Variants in MITF observed in about 807,000 individuals in gnomAD.
MITF encodes the protein melanocyte inducing transcription factor, also known as microphthalmia-associated transcription factor.
In MITF, 17 loss-of-function variants were observed where a neutral mutation model predicts 60.5. The observed-to-expected ratio is 0.28, with a 90% CI of 0.19 to 0.42. The LOEUF is 0.42. Ranked by LOEUF, MITF falls within the 10% of genes least tolerant of loss-of-function variation. The pLI, the probability that MITF is intolerant of heterozygous loss-of-function variation, is 1.00. For missense variants in MITF, 622 were observed against 683.5 expected, an observed-to-expected ratio of 0.91 and a Z score of 1.00; for synonymous variants, 260 against 248.5, an observed-to-expected ratio of 1.05 and a Z score of -0.43.
At chr3:69,950,968 T>C (rs939035593) in intron 6 of MITF, among the ~76,000 whole-genome samples, 47 of 152,210 alleles carry the variant, frequency 3.1e-4, no homozygotes, top group African/African-American at 9.6e-4. Context: ...AAATAGTGGT[T>C]CCTAAGTTAT....
chr3:69,869,019 A>G (rs572109303), intron 1 of MITF, among the ~76,000 whole-genome samples: 6 of 152,028 alleles, frequency 3.9e-5, no homozygotes, highest in African/African-American at 1.4e-4. Context: ...AGTTCCTCTT[A>G]GAATTAAGGA....
At chr3:69,767,404 T>C (rs764268102) in intron 1 of MITF, among the ~76,000 whole-genome samples, 8 of 152,042 alleles carry the variant, frequency 5.3e-5, no homozygotes, top group Non-Finnish European at 1.0e-4. Flanking sequence ...ACCAACATGA[T>C]AAAACTGCAT....
intron 2 of MITF, among the ~76,000 whole-genome samples, chr3:69,924,546 T>C (rs953049546): frequency 2.0e-5 from 3 of 152,018 alleles, no homozygotes; most frequent in African/African-American, 4.8e-5. Context: ...GAAAGCAGAG[T>C]GAATAATAGA....
chr3:69,770,248 T>A (rs1312789784), intron 1 of MITF, among the ~76,000 whole-genome samples: 2 of 152,214 alleles, frequency 1.3e-5, no homozygotes, highest in African/African-American at 2.4e-5. Context: ...AGTATGATGT[T>A]GCTTGAAAAT....
intron 1 of MITF, among the ~76,000 whole-genome samples, chr3:69,776,978 G>A (rs2062483795): frequency 6.6e-6 from 1 of 152,168 alleles, no homozygotes; most frequent in Admixed American, 6.5e-5. Flanking sequence ...AATGTTGAGA[G>A]TAATGTTACT....
chr3:69,811,428 C>G (rs984003227), intron 1 of MITF, among the ~76,000 whole-genome samples: 8 of 152,176 alleles, frequency 5.3e-5, no homozygotes, highest in Admixed American at 2.6e-4. Context: ...TCCCCTGGAT[C>G]AATCACTGTA....
chr3:69,960,399 T>C (rs182440526), intron 9 of MITF, among the ~76,000 whole-genome samples: 2 of 152,318 alleles, frequency 1.3e-5, no homozygotes, highest in Non-Finnish European at 2.9e-5. Context: ...TATGCACCAG[T>C]GTAAGCCGGA....
chr3:69,855,145 C>T (rs1281245111), intron 1 of MITF, among the ~76,000 whole-genome samples: 8 of 151,026 alleles, frequency 5.3e-5, no homozygotes, highest in Non-Finnish European at 1.0e-4. Context: ...ATTCTGCCTA[C>T]GTGTGACTCT....
chr3:69,919,302 T>C (rs1315333925), intron 2 of MITF, among the ~76,000 whole-genome samples: 1 of 152,224 alleles, frequency 6.6e-6, no homozygotes. Flanking sequence ...ATGGGTATCA[T>C]TTGAGACAAG....
chr3:69,740,050 C>G (rs1386272576), intron 1 of MITF, among the ~76,000 whole-genome samples: 4 of 152,154 alleles, frequency 2.6e-5, no homozygotes, highest in Non-Finnish European at 4.4e-5. Flanking sequence ...GGCCGGGACG[C>G]TGTCCCGGTG....
At chr3:69,803,299 A>G (rs2062952282) in intron 1 of MITF, among the ~76,000 whole-genome samples, 1 of 152,014 alleles carries the variant, frequency 6.6e-6, no homozygotes, top group Non-Finnish European at 1.5e-5. Context: ...TTGGGTATAT[A>G]CCCCCTAAGA....
intron 2 of MITF, among the ~76,000 whole-genome samples, chr3:69,881,560 CATAA>C (rs1245564168): frequency 4.0e-5 from 6 of 151,698 alleles, no homozygotes. Context: ...CTTAGGACTT[CATAA>C]ATATAGTTGG....
intron 1 of MITF, among the ~76,000 whole-genome samples, chr3:69,790,563 G>A (rs1422326868): frequency 6.6e-6 from 1 of 152,142 alleles, no homozygotes; most frequent in Admixed American, 6.5e-5. Flanking sequence ...ACTTCATTGA[G>A]TATTTCAACA....
chr3:69,798,457 G>A (rs375758789), intron 1 of MITF, among the ~76,000 whole-genome samples: 14 of 152,148 alleles, frequency 9.2e-5, no homozygotes, highest in African/African-American at 2.4e-4. Flanking sequence ...TATTTAAAGC[G>A]CATAGCATGG....
At chr3:69,856,887 T>C (rs1009239457) in intron 1 of MITF, among the ~76,000 whole-genome samples, 1 of 152,188 alleles carries the variant, frequency 6.6e-6, no homozygotes, top group African/African-American at 2.4e-5. Context: ...GAATTCATGC[T>C]TGGTATAATA....
chr3:69,750,049 G>A (rs1703872034), intron 1 of MITF, among the ~76,000 whole-genome samples: 1 of 152,286 alleles, frequency 6.6e-6, no homozygotes, highest in South Asian at 2.1e-4. Context: ...TGATGTAACG[G>A]CAGGGAGCTG....
intron 2 of MITF, among the ~76,000 whole-genome samples, chr3:69,884,661 G>T (rs1471863584): frequency 6.6e-6 from 1 of 152,130 alleles, no homozygotes; most frequent in East Asian, 1.9e-4. Flanking sequence ...CCATAGAGTT[G>T]TCTTACTTGG....
chr3:69,821,873 G>A (rs2063280869), intron 1 of MITF, among the ~76,000 whole-genome samples: 1 of 152,102 alleles, frequency 6.6e-6, no homozygotes, highest in Admixed American at 6.6e-5. Flanking sequence ...CTCCCGAGTA[G>A]CTGGGATTAC....
intron 7 of MITF, among the ~76,000 whole-genome samples, chr3:69,953,659 A>ATGTGTG (rs2066319380): frequency 2.1e-5 from 3 of 139,754 alleles, no homozygotes; most frequent in Non-Finnish European, 4.6e-5. Context: ...ATATATATAT[A>ATGTGTG]TATAGAGAGA....
Sources: gnomAD v4.1 joint callset for allele counts (sites outside exome capture counted in the v4.1 genomes callset) on GRCh38, gnomAD v4.1.1 for gene constraint, MANE v1.5 for transcripts, NCBI Gene and HGNC (gene_info 2026-07-23, HGNC 2026-07-21) for gene names.